ARSG: variants seen among roughly 807,000 people sequenced by gnomAD.
ARSG encodes the protein ASG.
Under a neutral mutation model 50.5 loss-of-function variants are expected in ARSG, and 37 were observed. The ratio of observed to expected loss-of-function variants is 0.73; its 90% confidence interval spans 0.56 to 0.96. The LOEUF (loss-of-function observed/expected upper bound fraction) is 0.96. ARSG is among the 50% of genes least tolerant of loss of function. The probability of loss-of-function intolerance (pLI) is 0.00; values close to 1 mark genes in which losing one functional copy is unlikely to be tolerated. For synonymous variants in ARSG, 225 were observed against 254.6 expected (o/e 0.88, Z 1.11); for missense variants, 629 against 675.3 (o/e 0.93, Z 0.76).
At chr17:68,389,038 T>C (rs1020621616) in intron 9 of ARSG, among the ~76,000 whole-genome samples, 3 of 152,030 alleles carry the variant, frequency 2.0e-5, no homozygotes, top group Non-Finnish European at 4.4e-5. Flanking sequence ...GGAAGAGGGA[T>C]TCAGCTGGTT....
intron 1 of ARSG, among the ~76,000 whole-genome samples, chr17:68,305,934 G>T (rs2076588483): frequency 6.6e-6 from 1 of 152,078 alleles, no homozygotes; most frequent in Non-Finnish European, 1.5e-5. Context: ...AAATTAGCTG[G>T]GGTGTGTTGG....
chr17:68,309,721 C>T (rs1406548597), intron 2 of ARSG, among the ~76,000 whole-genome samples: 1 of 151,580 alleles, frequency 6.6e-6, no homozygotes, highest in Non-Finnish European at 1.5e-5. Flanking sequence ...TAGCCGGGCG[C>T]AGTGGCAGGC....
At chr17:68,350,729 G>A (rs964201450) in intron 4 of ARSG, among the ~76,000 whole-genome samples, 2 of 152,176 alleles carry the variant, frequency 1.3e-5, no homozygotes, top group Admixed American at 1.3e-4. Context: ...AGCTTGCATT[G>A]AGCCGAGATT....
chr17:68,401,672 T>C (rs1447155756), intron 11 of ARSG, among the ~76,000 whole-genome samples: 1 of 152,240 alleles, frequency 6.6e-6, no homozygotes, highest in Non-Finnish European at 1.5e-5. Context: ...GAATTTCTAG[T>C]GAGCTGGGAG....
At position 68,356,819 on chromosome 17, in the gene ARSG, T is replaced by G; in HGVS notation, c.704+15T>G. 1.2e-6 allele frequency: 2 copies of G among 1,613,898 alleles called. No individual in the cohort carries two copies. The highest frequency in any genetic ancestry group is 1.7e-6 in the Non-Finnish European group (2 of 1,179,962). On this transcript the variant is annotated intron_variant, in intron 6 of 11. Transcript: ENST00000621439. ...CAGCGTGCAAGGTGAGGAGTCTCCC[T>G]CCCTCCGCAGGGCCTCCCCCTGCCT...
chr17:68,377,239 C>G (rs182093763), intron 8 of ARSG, among the ~76,000 whole-genome samples: 6 of 152,310 alleles, frequency 3.9e-5, no homozygotes, highest in African/African-American at 1.4e-4. Flanking sequence ...AAGGCATCCC[C>G]GAGGCCAGCC....
chr17:68,319,540 A>C (rs782468541), intron 2 of ARSG, among the ~76,000 whole-genome samples: 6 of 152,196 alleles, frequency 3.9e-5, no homozygotes, highest in Non-Finnish European at 8.8e-5. Flanking sequence ...AAGAAAAGGA[A>C]CTGAAATATT....
downstream of ARSG, among the ~76,000 whole-genome samples, chr17:68,423,974 C>G (rs2082976821): frequency 6.6e-6 from 1 of 152,116 alleles, no homozygotes; most frequent in African/African-American, 2.4e-5. This position sits in a 1 kb window ranked among gnomAD's most constrained non-coding sequence, Gnocchi z 4.4. Context: ...TAAACCCTGA[C>G]AGAGTAGAAT....
the ARSG span, chr17:68,436,413 C>T: frequency 6.2e-7 from 1 of 1,613,976 alleles, no homozygotes; most frequent in Non-Finnish European, 8.5e-7. Flanking sequence ...CACAATCTCC[C>T]CTGAAGTCAG....
In ARSG at chr17:68,420,356, C is replaced by T; in HGVS notation, c.1471C>T (p.Gln491Ter). The T allele has an allele frequency of 6.2e-7, 1 of 1,614,160 alleles. No homozygotes were observed. Among genetic ancestry groups the T allele is most frequent in the South Asian group, 1.1e-5 (1 of 91,078 alleles). The change falls in exon 12 of 12, where the codon CAA (glutamine) becomes TAA (stop). Residue 491 changes from glutamine to a stop codon, truncating the protein, a stop_gained. Coordinates refer to ENST00000621439, the MANE Select transcript of ARSG (RefSeq NM_001267727.2). LOFTEE classifies it low-confidence loss of function (END_TRUNC). ...CAGAAAGGTTCTTGCAGACGTCCTC[C>T]AAGACATTGCCAACGACAACATCTC... ...EVRKVLADVLQDIANDNISSA... is the reference protein window; with the variant it reads ...EVRKVLADVL
chr17:68,413,084 G>C (rs1265259824), intron 11 of ARSG, among the ~76,000 whole-genome samples: 1 of 151,908 alleles, frequency 6.6e-6, no homozygotes, highest in Non-Finnish European at 1.5e-5. Flanking sequence ...CCATAGCTCA[G>C]AGTAATTTGA....
chr17:68,354,596 T>C (rs1001968985), intron 5 of ARSG, among the ~76,000 whole-genome samples: 2 of 151,222 alleles, frequency 1.3e-5, no homozygotes, highest in Admixed American at 6.6e-5. Flanking sequence ...GTGATAATTC[T>C]TTTTCTCTTT....
chr17:68,361,622 A>T (rs1306859705), intron 6 of ARSG, among the ~76,000 whole-genome samples: 2 of 151,860 alleles, frequency 1.3e-5, no homozygotes, highest in South Asian at 2.1e-4. Context: ...ACCTGGAAAA[A>T]GAAAAAAAAG....
intron 2 of ARSG, among the ~76,000 whole-genome samples, chr17:68,308,211 T>C (rs1418450124): frequency 6.6e-6 from 1 of 152,084 alleles, no homozygotes; most frequent in Non-Finnish European, 1.5e-5. Flanking sequence ...GAGGCTGAAG[T>C]GGGAGTGTGT....
Position 68,297,636 on chromosome 17 carries a change from A to T in ARSG, c.-552+6068A>T, listed in dbSNP as rs368184978. Among the ~76,000 whole-genome samples, 581 of 151,916 alleles carry T rather than the reference A, an allele frequency of 3.8e-3. 6 individuals carry two copies. Among genetic ancestry groups the T allele is most frequent in the African/African-American group, 0.012 (510 of 41,408 alleles). On this transcript the variant is annotated intron_variant, in intron 1 of 11. Transcript: ENST00000621439. ...TTTATCTTTTTTTAAAATTAAAAAAATTTTTTTTCTAATAGAGATGGGGTC... is the reference window on the plus strand; with the variant it reads ...TTTATCTTTTTTTAAAATTAAAAAATTTTTTTTTCTAATAGAGATGGGGTC...
intron 1 of ARSG, chr17:68,269,168 T>C (rs782581215): frequency 1.3e-6 from 2 of 1,551,592 alleles, no homozygotes; most frequent in Non-Finnish European, 8.7e-7. Flanking sequence ...AGTCTTCAGG[T>C]ATGTCCTGTA....
intron 6 of ARSG, among the ~76,000 whole-genome samples, chr17:68,366,237 C>CA (rs200182470): frequency 1.4e-4 from 15 of 108,584 alleles, no homozygotes; most frequent in African/African-American, 4.7e-4. Flanking sequence ...CTACGCCTGG[C>CA]AAAAAAATAA....
Position 68,345,651 on chromosome 17 carries a change from A to G in ARSG, c.407-1474A>G, listed in dbSNP as rs533903412. Among the ~76,000 whole-genome samples, 29 of 152,162 alleles carry G rather than the reference A, an allele frequency of 1.9e-4. No individual in the cohort carries two copies. In the South Asian group the frequency reaches 5.0e-3, roughly 26 times the overall value. The stretch of plus-strand genomic sequence containing the variant: ...TATCAGATCCTTTTACAACACTCAC[A>G]CTTTGCTTCTAATCTTGGTCCATGT... On this transcript the variant is annotated intron_variant, in intron 3 of 11. Coordinates refer to ENST00000621439, the MANE Select transcript of ARSG (RefSeq NM_001267727.2).
At chr17:68,316,682 C>T (rs1234971390) in intron 2 of ARSG, among the ~76,000 whole-genome samples, 1 of 152,172 alleles carries the variant, frequency 6.6e-6, no homozygotes, top group Non-Finnish European at 1.5e-5. Context: ...CATCACAGGG[C>T]TATGGTGAGG....
Sources: gnomAD v4.1 joint callset for allele counts (sites outside exome capture counted in the v4.1 genomes callset) on GRCh38, gnomAD v4.1.1 for gene constraint, Gnocchi (gnomAD v3.1) non-coding constraint, MANE v1.5 for transcripts, NCBI Gene and HGNC (gene_info 2026-07-23, HGNC 2026-07-21) for gene names.